The following ZNF765 variants were observed in gnomAD, a reference collection of about 807,000 sequenced individuals.
ZNF765 encodes zinc finger protein 765.
ZNF765 carries 37 observed loss-of-function variants against 44.7 expected under a neutral mutation model. The ratio of observed to expected loss-of-function variants is 0.83; its 90% CI spans 0.64 to 1.09. ZNF765 has a LOEUF of 1.09. Among genes scored for constraint, ZNF765 ranks in the 50% least tolerant of loss-of-function variants. The pLI, the probability that ZNF765 is intolerant of heterozygous loss-of-function variation, is 0.00. For missense variants in ZNF765, 594 were observed against 626.1 expected (o/e 0.95, Z 0.55); for synonymous variants, 201 against 213.7 (o/e 0.94, Z 0.52).
intron 3 of ZNF765, among the ~76,000 whole-genome samples, chr19:53,405,944 TATATATAA>T (rs2085770839): frequency 1.6e-5 from 2 of 121,232 alleles, no homozygotes; most frequent in African/African-American, 3.1e-5. Flanking sequence ...TATATATATA[TATATATAA>T]AATTGCTGTA....
downstream of ZNF765, among the ~76,000 whole-genome samples, chr19:53,412,228 A>G (rs1178889857): frequency 1.3e-5 from 2 of 152,242 alleles, no homozygotes; most frequent in Non-Finnish European, 2.9e-5. Flanking sequence ...TAGGATTTCT[A>G]TGATGACTGG....
Position 53,407,890 on chromosome 19 carries a change from T to C in ZNF765, c.335T>C (p.Leu112Pro), listed in dbSNP as rs1438691831. 2 of 1,613,642 alleles carry C rather than the reference T, an allele frequency of 1.2e-6. No homozygotes were observed. The highest frequency in any genetic ancestry group is 1.7e-5 in the Admixed American group (1 of 59,946). Reference protein sequence around the residue: ...QEDERNGHEALMTKIKKLTGS... With the variant: ...QEDERNGHEAPMTKIKKLTGS... ...GATGAAAGAAATGGCCATGAAGCAC[T>C]CATGACAAAAATCAAAAAGTTGACA... Residue 112 changes from leucine (L) to proline (P), a missense_variant, in exon 4 of 4, where the codon CTC becomes CCC. Coordinates refer to ENST00000396408, the MANE Select transcript of ZNF765 (RefSeq NM_001040185.3).
downstream of ZNF765, among the ~76,000 whole-genome samples, chr19:53,414,871 CAA>C (rs1307456162): frequency 6.6e-6 from 1 of 151,974 alleles, no homozygotes; most frequent in Non-Finnish European, 1.5e-5. Context: ...TCAGCTCTGT[CAA>C]TGTGTAAACA....
At position 53,400,763 on chromosome 19, in the gene ZNF765, CATATATATAT is replaced by C. The variant is rs35520888; in HGVS notation, c.16-1290_16-1281del. Among the ~76,000 whole-genome samples the C allele has an allele frequency of 6.8e-5, 8 of 116,828 alleles. No homozygotes were observed. In the East Asian group the frequency reaches 1.6e-3, roughly 23 times the overall value. The allele number at this position is 116,828 out of a possible 152,430, so 76.6% of individuals were successfully genotyped here. A position where few individuals can be genotyped will look rare whatever the true frequency, so the allele number is the denominator to read the frequency against. On this transcript the variant is annotated intron_variant, in intron 2 of 3. Coordinates refer to ENST00000396408, the MANE Select transcript of ZNF765 (RefSeq NM_001040185.3). The stretch of plus-strand genomic sequence containing the variant: ...CTGTGTAGGTTTCATTATTTGTTGA[CATATATATAT>C]ATATATATATACACACATACATAAA...
At chr19:53,401,436 G>A (rs527901232) in intron 2 of ZNF765, among the ~76,000 whole-genome samples, 25 of 152,196 alleles carry the variant, frequency 1.6e-4, no homozygotes, top group Admixed American at 5.2e-4. Context: ...GGTGGTGGGC[G>A]CCTGTAGTCC....
chr19:53,422,747 G>C (rs2085914732), intron 3 of ZNF765, among the ~76,000 whole-genome samples: 1 of 152,024 alleles, frequency 6.6e-6, no homozygotes, highest in Non-Finnish European at 1.5e-5. Flanking sequence ...CACGTTCCCT[G>C]CAGGATCCTG....
intron 2 of ZNF765, among the ~76,000 whole-genome samples, chr19:53,398,518 C>G (rs2085692529): frequency 1.3e-5 from 2 of 152,120 alleles, no homozygotes; most frequent in Non-Finnish European, 2.9e-5. Context: ...GTTTCTGACT[C>G]CAACTATCTT....
chr19:53,422,625 C>T (rs1489182897), intron 3 of ZNF765, among the ~76,000 whole-genome samples: 2 of 151,936 alleles, frequency 1.3e-5, no homozygotes, highest in Non-Finnish European at 2.9e-5. Context: ...TCCAGGCTGG[C>T]GTGCAGTGGC....
At position 53,402,271 on chromosome 19, in the gene ZNF765, T is replaced by C. The variant is rs1359468887; in HGVS notation, c.142+80T>C. On this transcript the variant is annotated intron_variant, in intron 3 of 3. Coordinates refer to ENST00000396408, the MANE Select transcript of ZNF765 (RefSeq NM_001040185.3). Reference sequence around the variant, plus strand: ...TCCTTTTTTTTTTTTTTTTTTTTTTTTTTGAGATGGAGTCTCGCTCTGTCG... The same window carrying C: ...TCCTTTTTTTTTTTTTTTTTTTTTTCTTTGAGATGGAGTCTCGCTCTGTCG... 1.1e-5 allele frequency: 8 copies of C among 703,262 alleles called. 1 individual carries two copies. Among genetic ancestry groups the C allele is most frequent in the Non-Finnish European group, 1.7e-5 (8 of 464,678 alleles). The allele number at this position is 703,262 out of a possible 1,614,324, so 43.6% of individuals were successfully genotyped here.
intron 2 of ZNF765, 45 bp from the exon 3 acceptor site, chr19:53,402,020 G>T (rs1338036578): frequency 6.2e-7 from 1 of 1,613,824 alleles, no homozygotes; most frequent in African/African-American, 1.3e-5. Context: ...GTAAAGATAA[G>T]AACTCCTCCC....
chr19:53,418,043 T>C (rs546285280), intron 3 of ZNF765, among the ~76,000 whole-genome samples: 1 of 152,304 alleles, frequency 6.6e-6, no homozygotes, highest in African/African-American at 2.4e-5. Flanking sequence ...CCTTTGGAGA[T>C]GCTACCCGCG....
At position 53,410,228 on chromosome 19, in the gene ZNF765, A is replaced by G. The variant is rs55826108; in HGVS notation, c.*1101A>G. On this transcript the variant is annotated 3_prime_UTR_variant, in exon 4 of 4. Transcript: ENST00000396408. ...CAAAAAGCAAAGCTTGCACATCATC[A>G]TAGAATTCATACTGGAGATAAACGT... The G allele has an allele frequency of 0.25, 92,879 of 364,418 alleles. 13,075 individuals are homozygous for G. The highest frequency in any genetic ancestry group is 0.31 in the Non-Finnish European group (54,722 of 179,028). The allele number at this position is 364,418 out of a possible 1,614,324, so 22.6% of individuals were successfully genotyped here.
intron 3 of ZNF765, among the ~76,000 whole-genome samples, chr19:53,418,359 T>C (rs1244360511): frequency 2.6e-5 from 4 of 151,700 alleles, no homozygotes; most frequent in Non-Finnish European, 3.0e-5. Context: ...AATAAAAATA[T>C]AGTAGCATCC....
chr19:53,395,673 A>ACTG (rs1171277721), intron 1 of ZNF765, among the ~76,000 whole-genome samples: 1 of 152,060 alleles, frequency 6.6e-6, no homozygotes, highest in African/African-American at 2.4e-5. Context: ...TGCGGGCCCT[A>ACTG]CTGCTCCCCA....
rs183783885 is a variant in ZNF765 at position 53,403,710 on chromosome 19, G to A, written c.142+1519G>A. Among the ~76,000 whole-genome samples the A allele has an allele frequency of 3.9e-5, 6 of 152,280 alleles. No homozygotes were observed. The East Asian group carries it at 1.2e-3, about 29-fold the overall frequency. On this transcript the variant is annotated intron_variant, in intron 3 of 3. Transcript: ENST00000396408. Reference sequence around the variant, plus strand: ...ACACACAAATTAGCCGGACACTGTGGTGGGCGCCTGTAATCCTGCTACTCA... The same window carrying A: ...ACACACAAATTAGCCGGACACTGTGATGGGCGCCTGTAATCCTGCTACTCA...
rs768705696 is a variant in ZNF765 at position 53,409,001 on chromosome 19, A to G, written c.1446A>G (p.Thr482=). 3.1e-6 allele frequency: 5 copies of G among 1,604,068 alleles called. No individual in the cohort carries two copies. Among genetic ancestry groups the G allele is most frequent in the Middle Eastern group, 1.7e-4 (1 of 6,024 alleles). ...CCTTCAGCCGGACGTCATCCCTTAC[A>G]TACCATCATAGACTTCATACTGGAC... The part of the protein sequence containing the change: ...GKTFSRTSSL[T]YHHRLHTGQK... The change falls in exon 4 of 4, where the codon ACA becomes ACG. Residue 482 remains threonine, a synonymous_variant. Transcript: ENST00000396408.
In ZNF765 at chr19:53,409,969, T is replaced by C. The variant is rs2085818531; in HGVS notation, c.*842T>C. 7.2e-6 allele frequency: 4 copies of C among 558,804 alleles called. No individual in the cohort carries two copies. The highest frequency in any genetic ancestry group is 1.4e-5 in the Non-Finnish European group (4 of 284,150). The allele number at this position is 558,804 out of a possible 1,614,324, so 34.6% of individuals were successfully genotyped here. ...GTAATGCTACAACTATTGCAAATCA[T>C]TGGAGAATCCATAATGAAGAGAGAT... On this transcript the variant is annotated 3_prime_UTR_variant, in exon 4 of 4. Coordinates refer to ENST00000396408, the MANE Select transcript of ZNF765 (RefSeq NM_001040185.3).
Position 53,407,731 on chromosome 19 carries a change from C to T in ZNF765, c.176C>T (p.Ser59Leu), listed in dbSNP as rs566063134. Residue 59 changes from serine (S) to leucine (L), a missense_variant, in exon 4 of 4, where the codon TCG (serine) becomes TTG (leucine). By Grantham distance (145) the Ser-to-Leu change is moderately radical (BLOSUM62 -2). Around this residue, in one of 2 missense-constraint regions of ZNF765, gnomAD observed 567 missense variants for 572.6 expected, o/e 0.99. Transcript: ENST00000396408. ...ISSKCMMKEF[S>L]STAQGNREVF... ...TCCAAATGCATGATGAAGGAGTTCT[C>T]GTCAACAGCACAAGGCAATAGAGAA... The T allele has an allele frequency of 2.2e-5, 34 of 1,567,872 alleles. No homozygotes were observed. The highest frequency in any genetic ancestry group is 2.8e-5 in the Non-Finnish European group (33 of 1,159,392).
intron 3 of ZNF765, among the ~76,000 whole-genome samples, chr19:53,418,276 C>T (rs2085886728): frequency 6.6e-6 from 1 of 152,088 alleles, no homozygotes; most frequent in African/African-American, 2.4e-5. Flanking sequence ...TGGCGGGTGC[C>T]TGTAGTCCCA....
Sources: gnomAD v4.1 joint callset for allele counts (sites outside exome capture counted in the v4.1 genomes callset) on GRCh38, gnomAD v4.1.1 for gene constraint, gnomAD v4.1.1 regional missense constraint, MANE v1.5 for transcripts, NCBI Gene and HGNC (gene_info 2026-07-23, HGNC 2026-07-21) for gene names.